LRRK2: variants seen among roughly 807,000 people sequenced by gnomAD.
LRRK2 encodes leucine rich repeat kinase 2, also known as leucine-rich repeat serine/threonine-protein kinase 2.
In LRRK2, 203 loss-of-function variants were observed where a neutral mutation model predicts 302.6. The observed-to-expected ratio is 0.67, with a 90% CI of 0.60 to 0.75. The LOEUF (loss-of-function observed/expected upper bound fraction) is 0.75, where lower values mean the gene tolerates loss of function less well. Among genes scored for constraint, LRRK2 ranks in the 30% least tolerant of loss-of-function variants. The pLI is 0.00. For missense variants in LRRK2, 2,830 were observed against 2,951.0 expected (o/e 0.96, Z 0.95); for synonymous variants, 1,066 against 1,031.9 (o/e 1.03, Z -0.63).
intron 39 of LRRK2, among the ~76,000 whole-genome samples, chr12:40,333,952 AGGCCTGG>A (rs1210916743): frequency 1.3e-5 from 2 of 152,162 alleles, no homozygotes; most frequent in East Asian, 3.9e-4. Flanking sequence ...AAGGTCTGGA[AGGCCTGG>A]GGCATGATCA....
At chr12:40,350,304 C>T (rs981171258) in intron 43 of LRRK2, among the ~76,000 whole-genome samples, 1 of 152,212 alleles carries the variant, frequency 6.6e-6, no homozygotes, top group Non-Finnish European at 1.5e-5. Flanking sequence ...TTTGTCTTGG[C>T]AGACAAATGT....
At chr12:40,257,684 G>A (rs1416658341) in intron 12 of LRRK2, among the ~76,000 whole-genome samples, 2 of 152,130 alleles carry the variant, frequency 1.3e-5, no homozygotes, top group African/African-American at 4.8e-5. Flanking sequence ...TCTAATTATT[G>A]TGTGTGTGAA....
rs1207806561 is a variant in LRRK2 at position 40,249,938 on chromosome 12, C to A, written c.951C>A (p.Ala317=). 3 of 1,613,538 alleles carry A rather than the reference C, an allele frequency of 1.9e-6. No homozygotes were observed. In the East Asian group the frequency reaches 6.7e-5, roughly 36 times the overall value. Residue 317 remains alanine, a synonymous_variant, in exon 8 of 51, where the codon GCC becomes GCA. Coordinates refer to ENST00000298910, the MANE Select transcript of LRRK2 (RefSeq NM_198578.4). ...ALQISALSCL[A]LLTETIFLNQ... Reference sequence around the variant, plus strand: ...AGATCTCAGCGCTCAGCTGTTTGGCCCTCCTCAGTAAGTAACTTCACTAAA... The same window carrying A: ...AGATCTCAGCGCTCAGCTGTTTGGCACTCCTCAGTAAGTAACTTCACTAAA...
At chr12:40,272,758 C>T (rs1001466237) in intron 14 of LRRK2, among the ~76,000 whole-genome samples, 1 of 152,082 alleles carries the variant, frequency 6.6e-6, no homozygotes, top group Admixed American at 6.6e-5. Context: ...TGATAAGCAC[C>T]AATTAAGTTG....
chr12:40,310,903 A>T (rs1945016013), intron 31 of LRRK2, among the ~76,000 whole-genome samples: 1 of 152,152 alleles, frequency 6.6e-6, no homozygotes, highest in Non-Finnish European at 1.5e-5. Flanking sequence ...TACTGAGAAA[A>T]TGTTTCTGAG....
intron 50 of LRRK2, 183 bp downstream of exon 50, chr12:40,367,260 A>G: frequency 1.8e-6 from 1 of 559,720 alleles, no homozygotes; most frequent in Admixed American, 3.5e-5. Context: ...ATGAAGTGTT[A>G]AATATTTATA....
In LRRK2 at chr12:40,284,147, A is replaced by G. The variant is rs761690119; in HGVS notation, c.2500+14A>G. 1 of 1,593,764 alleles carries G rather than the reference A, an allele frequency of 6.3e-7. No individual in the cohort carries two copies. On this transcript the variant is annotated intron_variant, in intron 19 of 50. Transcript: ENST00000298910. ...GGAAACAAACAAGTAAGTAACAAGG[A>G]GAATATTTTTTACAATTCTTATTTT...
At chr12:40,320,269 A>T in intron 34 of LRRK2, 94 bp downstream of exon 34, 1 of 978,438 alleles carries the variant, frequency 1.0e-6, no homozygotes, top group Non-Finnish European at 1.5e-6. Context: ...TAGATGTATT[A>T]AATAAATAAA....
Position 40,294,825 on chromosome 12 carries a change from T to C in LRRK2, c.2809-20T>C. On this transcript the variant is annotated intron_variant, in intron 21 of 50. Coordinates refer to ENST00000298910, the MANE Select transcript of LRRK2 (RefSeq NM_198578.4). The stretch of plus-strand genomic sequence containing the variant: ...CTCCAATAAATGACAGCAATTTTAT[T>C]ATAAATTATTTTTTAATAGGGGCCC... 7.3e-7 allele frequency: 1 copy of C among 1,375,144 alleles called. No homozygotes were observed. 85.2% of individuals were successfully genotyped at this position (1,375,144 alleles called of 1,614,324 possible).
At chr12:40,226,416 G>A (rs1008996987) in intron 2 of LRRK2, among the ~76,000 whole-genome samples, 13 of 152,184 alleles carry the variant, frequency 8.5e-5, no homozygotes, top group Admixed American at 6.5e-4. Context: ...GTTAACTCAT[G>A]CAGAGAAAGA....
chr12:40,352,485 A>T (rs367941524), intron 44 of LRRK2, among the ~76,000 whole-genome samples: 125 of 20,300 alleles, frequency 6.2e-3, no homozygotes, highest in Non-Finnish European at 0.011. Context: ...TTTTTAATTG[A>T]TCATTCTTGG....
At chr12:40,332,358 C>A (rs1001120046) in intron 39 of LRRK2, among the ~76,000 whole-genome samples, 1 of 152,084 alleles carries the variant, frequency 6.6e-6, no homozygotes, top group African/African-American at 2.4e-5. Context: ...TGTTTGGATT[C>A]TACTGGGGAT....
chr12:40,249,105 T>A (rs1487029893), intron 7 of LRRK2, among the ~76,000 whole-genome samples: 1 of 152,176 alleles, frequency 6.6e-6, no homozygotes, highest in Non-Finnish European at 1.5e-5. Flanking sequence ...TATAGATGAA[T>A]AGGAGTTTCA....
intron 3 of LRRK2, among the ~76,000 whole-genome samples, chr12:40,234,618 C>A (rs1004197948): frequency 6.6e-6 from 1 of 151,770 alleles, no homozygotes; most frequent in South Asian, 2.1e-4. Flanking sequence ...ACCTCATGAT[C>A]CCCCCGCCTC....
intron 49 of LRRK2, 74 bp from the exon 50 acceptor site, chr12:40,366,932 C>CA (rs1301163714): frequency 1.8e-6 from 2 of 1,102,502 alleles, no homozygotes; most frequent in African/African-American, 3.1e-5. Context: ...AAACTATGAA[C>CA]AACTTTACTT....
intron 32 of LRRK2, among the ~76,000 whole-genome samples, chr12:40,314,700 C>T (rs1421655193): frequency 1.3e-5 from 2 of 151,926 alleles, no homozygotes; most frequent in Non-Finnish European, 2.9e-5. Context: ...TAATTGTGTA[C>T]TTGATCATAT....
chr12:40,266,823 TA>T (rs1943036950), intron 14 of LRRK2, among the ~76,000 whole-genome samples: 2 of 152,006 alleles, frequency 1.3e-5, no homozygotes, highest in African/African-American at 4.8e-5. Flanking sequence ...TAAGCAGCCA[TA>T]AAAAATGATG....
intron 25 of LRRK2, among the ~76,000 whole-genome samples, chr12:40,301,792 A>G (rs1264659216): frequency 6.6e-6 from 1 of 152,192 alleles, no homozygotes; most frequent in African/African-American, 2.4e-5. Context: ...TTTACAGATA[A>G]GAAAAGAGAC....
In LRRK2 at chr12:40,354,495, A is replaced by G. The variant is rs1295364691; in HGVS notation, c.6770+3A>G. Reference sequence around the variant, plus strand: ...TGCAATTCCTTTTCCAAGCAAAGGTATGGTAGTGAATTTGATCAATGGGGA... The same window carrying G: ...TGCAATTCCTTTTCCAAGCAAAGGTGTGGTAGTGAATTTGATCAATGGGGA... On this transcript the variant is annotated splice_donor_region_variant and intron_variant, in intron 45 of 50. Coordinates refer to ENST00000298910, the MANE Select transcript of LRRK2 (RefSeq NM_198578.4). The G allele has an allele frequency of 2.5e-5, 41 of 1,612,962 alleles. No homozygotes were observed. The East Asian group carries it at 8.5e-4, about 33-fold the overall frequency.
Sources: allele counts gnomAD v4.1 joint callset (sites outside exome capture counted in the v4.1 genomes callset), GRCh38; gene constraint gnomAD v4.1.1; transcripts MANE v1.5; gene names NCBI Gene and HGNC (gene_info 2026-07-23, HGNC 2026-07-21).